PDZD9: variants seen among roughly 807,000 people sequenced by gnomAD.
PDZD9 encodes PDZ domain containing 9.
PDZD9 carries 13 observed loss-of-function variants against 16.3 expected under a neutral mutation model. That is an observed-to-expected ratio of 0.80 (90% CI 0.52 to 1.27). The LOEUF (loss-of-function observed/expected upper bound fraction) is 1.27. Ranked by LOEUF, PDZD9 falls within the 50% of genes most tolerant of loss-of-function variation. The probability of loss-of-function intolerance (pLI) is 0.00; values close to 1 mark genes in which losing one functional copy is unlikely to be tolerated. For missense variants in PDZD9, 288 were observed against 310.9 expected (o/e 0.93, Z 0.55); for synonymous variants, 120 against 111.0 (o/e 1.08, Z -0.51).
the PDZD9 span, chr16:21,971,473 T>C: frequency 7.1e-7 from 1 of 1,398,706 alleles, no homozygotes; most frequent in Non-Finnish European, 1.0e-6. Context: ...TATTTTACGA[T>C]TGTGTTTTAG....
At chr16:21,976,124 C>A in the PDZD9 span, 1 of 1,417,928 alleles carries the variant, frequency 7.1e-7, no homozygotes, top group Non-Finnish European at 1.0e-6. Flanking sequence ...GCAGGAGACT[C>A]TGGTACTGAC....
the PDZD9 span, among the ~76,000 whole-genome samples, chr16:21,977,153 A>G: frequency 4.6e-5 from 7 of 152,098 alleles, no homozygotes; most frequent in African/African-American, 1.4e-4. Context: ...CAGGAGTTCA[A>G]CCAGCCTGGG....
At chr16:21,983,068 TTTTG>T (rs1898773633), downstream of PDZD9, 1 of 1,607,884 alleles carries the variant, frequency 6.2e-7, no homozygotes, top group Non-Finnish European at 8.5e-7. Context: ...TAATTTTGTC[TTTTG>T]TTTGTTTCTT....
rs772170901 is a variant in PDZD9, at chr16:21,984,425, TGTC to T, written c.634_636del (p.Asp212del). 6 of 1,614,182 alleles carry T rather than the reference TGTC, an allele frequency of 3.7e-6. No homozygotes were observed. Among genetic ancestry groups the T allele is most frequent in the South Asian group, 1.1e-5 (1 of 91,084 alleles). ...GGAGAAGGGGCCCTCACTTCTTTCT[TGTC>T]GTCTCTGTGAATCATCACGTCACAA... On this transcript the variant is annotated inframe_deletion, in exon 4 of 4. Transcript: ENST00000424898.
the PDZD9 span, among the ~76,000 whole-genome samples, chr16:21,963,884 G>A: frequency 6.6e-6 from 1 of 152,060 alleles, no homozygotes; most frequent in East Asian, 1.9e-4. Context: ...CCTCTTTATT[G>A]AGTCTTTCCA....
chr16:21,976,021 G>T, the PDZD9 span: 1 of 554,648 alleles, frequency 1.8e-6, no homozygotes, highest in Non-Finnish European at 3.2e-6. Flanking sequence ...GGAACCCATA[G>T]TGATGACAGC....
chr16:21,971,420 AGTGT>A, the PDZD9 span: 8 of 877,776 alleles, frequency 9.1e-6, no homozygotes, highest in Non-Finnish European at 1.2e-5. Context: ...TTTATTTTGT[AGTGT>A]TAGGATTTTA....
chr16:21,958,438 CTT>C, the PDZD9 span: 1 of 1,079,460 alleles, frequency 9.3e-7, no homozygotes, highest in Non-Finnish European at 1.4e-6. Context: ...TAGTAAAATT[CTT>C]TTTAAATCTG....
the PDZD9 span, among the ~76,000 whole-genome samples, chr16:21,968,183 G>A: frequency 6.6e-6 from 1 of 151,990 alleles, no homozygotes; most frequent in African/African-American, 2.4e-5. Flanking sequence ...TGCATTTTTA[G>A]TAGAGTCAGG....
At chr16:21,992,691 G>T (rs1369251263) in intron 2 of PDZD9, among the ~76,000 whole-genome samples, 1 of 152,152 alleles carries the variant, frequency 6.6e-6, no homozygotes, top group East Asian at 1.9e-4. Flanking sequence ...TTTTGCCAGG[G>T]TTTCTCAGGC....
chr16:21,968,547 C>T, the PDZD9 span: 1 of 1,311,712 alleles, frequency 7.6e-7, no homozygotes, highest in Non-Finnish European at 1.0e-6. Flanking sequence ...TATTTATTTT[C>T]TTCCAAACTG....
At chr16:21,976,134 C>A in the PDZD9 span, 6 of 1,540,718 alleles carry the variant, frequency 3.9e-6, no homozygotes, top group Non-Finnish European at 5.4e-6. Context: ...CTGGTACTGA[C>A]CACAGATGAC....
Position 21,988,721 on chromosome 16 carries a change from C to T in PDZD9, c.282G>A (p.Leu94=). 6.2e-7 allele frequency: 1 copy of T among 1,613,308 alleles called. No homozygotes were observed. The highest frequency in any genetic ancestry group is 8.5e-7 in the Non-Finnish European group (1 of 1,179,574). The change falls in exon 3 of 4, where the codon TTG becomes TTA. Residue 94 remains leucine, a synonymous_variant. Transcript: ENST00000424898. The part of the protein sequence containing the change: ...GYTLREFLQL[L]QHITIGTVLQ... ...GCACTGTTCCAATAGTGATATGTTGCAAAAGCTGTAAAAATTCTCGAAGAG... is the reference window on the plus strand; with the variant it reads ...GCACTGTTCCAATAGTGATATGTTGTAAAAGCTGTAAAAATTCTCGAAGAG...
the PDZD9 span, among the ~76,000 whole-genome samples, chr16:21,973,281 G>A: frequency 6.6e-6 from 1 of 152,140 alleles, no homozygotes; most frequent in African/African-American, 2.4e-5. Flanking sequence ...TTGGGAATCT[G>A]AAAGTTTGTA....
At chr16:21,995,706 T>C (rs1461057771) in intron 2 of PDZD9, among the ~76,000 whole-genome samples, 1 of 152,096 alleles carries the variant, frequency 6.6e-6, no homozygotes, top group Non-Finnish European at 1.5e-5. Context: ...CAAGAGATTC[T>C]CCTGCCTGAG....
At chr16:21,980,431 C>G, downstream of PDZD9, 2 of 1,069,708 alleles carry the variant, frequency 1.9e-6, no homozygotes, top group Middle Eastern at 3.2e-4. Flanking sequence ...GAGGGAGACA[C>G]GCTGTTACTC....
the PDZD9 span, chr16:21,976,359 TA>T: frequency 1.1e-6 from 1 of 911,832 alleles, no homozygotes; most frequent in Non-Finnish European, 1.7e-6. Flanking sequence ...CAGAAAAGCG[TA>T]AAAAGGGAAA....
chr16:21,982,815 A>C (rs1197395323), downstream of PDZD9, among the ~76,000 whole-genome samples: 1 of 152,072 alleles, frequency 6.6e-6, no homozygotes, highest in Non-Finnish European at 1.5e-5. Flanking sequence ...AAATACAAAA[A>C]TTAGCTGGGC....
At chr16:21,961,586 C>G in the PDZD9 span, 1 of 134,310 alleles carries the variant, frequency 7.4e-6, no homozygotes, top group Non-Finnish European at 1.6e-5. Flanking sequence ...CTTTATTTGC[C>G]ATTTTAAAAA....
Sources: gnomAD v4.1 joint callset for allele counts (sites outside exome capture counted in the v4.1 genomes callset) on GRCh38, gnomAD v4.1.1 for gene constraint, MANE v1.5 for transcripts, NCBI Gene and HGNC (gene_info 2026-07-23, HGNC 2026-07-21) for gene names.